The following PTK2 variants were observed in gnomAD, a reference collection of about 807,000 sequenced individuals.
PTK2 encodes the protein protein tyrosine kinase 2.
A neutral mutation model predicts 150.1 loss-of-function variants in PTK2; 45 were observed. The observed-to-expected ratio is 0.30, with a 90% confidence interval of 0.24 to 0.38. The LOEUF is 0.38. Among genes scored for constraint, PTK2 ranks in the 10% least tolerant of loss-of-function variants. The probability of loss-of-function intolerance (pLI) is 1.00; values close to 1 mark genes in which losing one functional copy is unlikely to be tolerated. For missense variants in PTK2, 919 were observed against 1,307.3 expected (o/e 0.70, Z 4.58); for synonymous variants, 432 against 449.2 (o/e 0.96, Z 0.48).
intron 1 of PTK2, among the ~76,000 whole-genome samples, chr8:140,932,862 C>CTTT (rs10667084): frequency 0.42 from 62,757 of 149,932 alleles, 15,043 homozygotes; most frequent in Non-Finnish European, 0.55. Flanking sequence ...CTTCCTTCCC[C>CTTT]TTTTTTTGAG....
At chr8:140,893,596 G>A (rs1480500176) in intron 2 of PTK2, among the ~76,000 whole-genome samples, 5 of 152,188 alleles carry the variant, frequency 3.3e-5, no homozygotes, top group Admixed American at 3.3e-4. Context: ...CTATACAGAA[G>A]AAAGTAGATT....
At chr8:140,962,875 C>T (rs1409886242) in intron 1 of PTK2, among the ~76,000 whole-genome samples, 1 of 148,168 alleles carries the variant, frequency 6.7e-6, no homozygotes, top group East Asian at 2.0e-4. Flanking sequence ...CTTGTAGGTC[C>T]CCCCCCCCAA....
chr8:140,668,490 G>C, intron 29 of PTK2, 66 bp from the exon 34 acceptor site: 1 of 1,510,160 alleles, frequency 6.6e-7, no homozygotes, highest in Non-Finnish European at 8.9e-7. Context: ...CCACAATCAA[G>C]CTAGAGAGGG....
chr8:140,911,773 A>G (rs2100163282), intron 2 of PTK2, among the ~76,000 whole-genome samples: 1 of 152,208 alleles, frequency 6.6e-6, no homozygotes, highest in Non-Finnish European at 1.5e-5. Flanking sequence ...TTAATCATAT[A>G]CATAAACGTA....
At chr8:140,753,280 T>G (rs2100063845) in intron 16 of PTK2, among the ~76,000 whole-genome samples, 1 of 152,174 alleles carries the variant, frequency 6.6e-6, no homozygotes, top group Non-Finnish European at 1.5e-5. Flanking sequence ...TGGCTCATGA[T>G]GCAGGTGTGA....
intron 3 of PTK2, chr8:140,890,227 C>A: frequency 4.0e-6 from 1 of 252,098 alleles, no homozygotes; most frequent in East Asian, 8.3e-5. Context: ...CTGTTAGAGG[C>A]TATTTTAGTT....
chr8:140,840,860 C>A (rs576751487), intron 7 of PTK2, among the ~76,000 whole-genome samples: 1 of 152,044 alleles, frequency 6.6e-6, no homozygotes, highest in African/African-American at 2.4e-5. Context: ...TTTTAAAAGA[C>A]ACACCTGAAA....
chr8:140,789,815 A>G (rs994580452), intron 13 of PTK2, among the ~76,000 whole-genome samples: 4 of 150,700 alleles, frequency 2.7e-5, no homozygotes, highest in Non-Finnish European at 4.4e-5. Flanking sequence ...GGTTAAATAA[A>G]AATATAAAAA....
intron 23 of PTK2, among the ~76,000 whole-genome samples, chr8:140,709,309 G>C (rs2100035495): frequency 6.6e-6 from 1 of 152,160 alleles, no homozygotes; most frequent in South Asian, 2.1e-4. Context: ...GGTAGCAAAT[G>C]ATAACACAAG....
chr8:140,959,461 C>A (rs1403468864), intron 1 of PTK2, among the ~76,000 whole-genome samples: 1 of 149,892 alleles, frequency 6.7e-6, no homozygotes, highest in Non-Finnish European at 1.5e-5. Context: ...ATGGCGTGAA[C>A]CCAGGAGGCG....
intron 5 of PTK2, among the ~76,000 whole-genome samples, chr8:140,855,934 GGTAA>G (rs1175791012): frequency 2.0e-5 from 3 of 151,980 alleles, no homozygotes; most frequent in African/African-American, 4.8e-5. Context: ...ATTTTATGAT[GGTAA>G]GTGTGTGTTC....
chr8:140,823,538 C>T (rs1042885462), intron 8 of PTK2, among the ~76,000 whole-genome samples: 1 of 152,160 alleles, frequency 6.6e-6, no homozygotes, highest in Non-Finnish European at 1.5e-5. Flanking sequence ...TTCTCACAGA[C>T]ATCTAAAACC....
intron 14 of PTK2, 45 bp downstream of exon 14, chr8:140,789,429 C>A: frequency 6.3e-7 from 1 of 1,593,236 alleles, no homozygotes; most frequent in East Asian, 2.2e-5. Context: ...GATCGTCTTA[C>A]CCCATGAGAG....
intron 5 of PTK2, among the ~76,000 whole-genome samples, chr8:140,854,097 G>C (rs2100131056): frequency 6.6e-6 from 1 of 152,182 alleles, no homozygotes; most frequent in South Asian, 2.1e-4. Context: ...CTATACCATA[G>C]AGTTAAGTTA....
intron 1 of PTK2, among the ~76,000 whole-genome samples, chr8:140,941,188 G>A (rs1347646555): frequency 6.6e-6 from 1 of 152,118 alleles, no homozygotes; most frequent in Non-Finnish European, 1.5e-5. Context: ...CAAAACCAGG[G>A]TTAAGTTAAT....
At chr8:140,922,830 T>C (rs2100168039) in intron 2 of PTK2, among the ~76,000 whole-genome samples, 1 of 152,192 alleles carries the variant, frequency 6.6e-6, no homozygotes, top group African/African-American at 2.4e-5. Context: ...TCATCTACGA[T>C]GCCAGGGTCT....
intron 21 of PTK2, among the ~76,000 whole-genome samples, chr8:140,738,584 T>C (rs1454267280): frequency 6.6e-6 from 1 of 152,128 alleles, no homozygotes; most frequent in Admixed American, 6.6e-5. Flanking sequence ...GGAAGGAGGC[T>C]GGACTCCAGA....
Position 140,830,614 on chromosome 8 carries a change from T to C in PTK2, c.594-88A>G. The C allele has an allele frequency of 8.0e-6, 6 of 748,082 alleles. No individual in the cohort carries two copies. In the South Asian group the frequency reaches 1.1e-4, roughly 14 times the overall value. The allele number at this position is 748,082 out of a possible 1,614,324, so 46.3% of individuals were successfully genotyped here. On this transcript the variant is annotated intron_variant, in intron 7 of 31. Transcript: ENST00000522684. ...TGCAAGAACATAAAAGCACTGTAAA[T>C]TATTTATCCTTCCATATATTATTTA... is the stretch of plus-strand genomic sequence containing the variant.
chr8:140,806,738 T>C lies in PTK2; in HGVS notation c.868-3088A>G, dbSNP rs185448824. 3.6e-4 allele frequency among the ~76,000 whole-genome samples: 55 copies of C among 152,266 alleles called. 1 individual carries two copies. The East Asian group carries it at 8.9e-3, about 25-fold the overall frequency. ...TGCGTCTGACTAGAGTGCCTTCCAATGTATTGTGCTAAACTTTAAGATATT... is the reference window on the plus strand; with the variant it reads ...TGCGTCTGACTAGAGTGCCTTCCAACGTATTGTGCTAAACTTTAAGATATT... On this transcript the variant is annotated intron_variant, in intron 10 of 31. Transcript: ENST00000522684.
Sources: allele counts gnomAD v4.1 joint callset (sites outside exome capture counted in the v4.1 genomes callset), GRCh38; gene constraint gnomAD v4.1.1; transcripts MANE v1.5; gene names NCBI Gene and HGNC (gene_info 2026-07-23, HGNC 2026-07-21).